FBXO15: variants seen among roughly 807,000 people sequenced by gnomAD.
The protein encoded by FBXO15 is F-box protein 15.
A neutral mutation model predicts 49.5 loss-of-function variants in FBXO15; 30 were observed. The observed-to-expected ratio is 0.61, with a 90% CI of 0.45 to 0.82. FBXO15 has a LOEUF of 0.82. Among genes scored for constraint, FBXO15 ranks in the 40% least tolerant of loss-of-function variants. FBXO15 has a pLI of 0.00. For missense variants in FBXO15, 591 were observed against 631.5 expected, an observed-to-expected ratio of 0.94 and a Z score of 0.69; for synonymous variants, 250 against 232.7, an observed-to-expected ratio of 1.07 and a Z score of -0.68.
At chr18:74,126,410 C>T (rs1456958936) in intron 5 of FBXO15, among the ~76,000 whole-genome samples, 1 of 152,208 alleles carries the variant, frequency 6.6e-6, no homozygotes, top group Non-Finnish European at 1.5e-5. Flanking sequence ...TGTTCTATTC[C>T]CTCCAAATCC....
intron 8 of FBXO15, among the ~76,000 whole-genome samples, chr18:74,108,415 C>A (rs578073045): frequency 2.0e-4 from 30 of 151,572 alleles, no homozygotes; most frequent in Admixed American, 3.9e-4. Flanking sequence ...ATGAAGAATA[C>A]CTTTGTTGGG....
chr18:74,097,904 G>A (rs1012729686), intron 8 of FBXO15: 6 of 152,358 alleles, frequency 3.9e-5, no homozygotes, highest in African/African-American at 1.4e-4. Context: ...TGGTATCCAT[G>A]GCTGAGAGAC....
chr18:74,146,224 T>C (rs1979402010), intron 1 of FBXO15, among the ~76,000 whole-genome samples: 1 of 152,254 alleles, frequency 6.6e-6, no homozygotes, highest in Admixed American at 6.5e-5. Context: ...ATATTCACAT[T>C]TTGTGTTAAA....
chr18:74,145,893 C>T (rs183723329), intron 1 of FBXO15, among the ~76,000 whole-genome samples: 2 of 152,266 alleles, frequency 1.3e-5, no homozygotes, highest in Non-Finnish European at 1.5e-5. Context: ...CCACTGCACC[C>T]GGCCCCAATT....
At chr18:74,109,221 A>T (rs2051056066) in intron 8 of FBXO15, among the ~76,000 whole-genome samples, 1 of 152,210 alleles carries the variant, frequency 6.6e-6, no homozygotes, top group South Asian at 2.1e-4. Flanking sequence ...GCCAATAGAC[A>T]TATGAAAAAA....
chr18:74,120,801 T>G (rs1225513220), intron 8 of FBXO15, among the ~76,000 whole-genome samples: 1 of 150,510 alleles, frequency 6.6e-6, no homozygotes, highest in African/African-American at 2.4e-5. Flanking sequence ...AGAAAAAAAG[T>G]AGAAAGAATA....
intron 8 of FBXO15, among the ~76,000 whole-genome samples, chr18:74,121,871 T>C (rs1292700443): frequency 6.6e-6 from 1 of 152,196 alleles, no homozygotes; most frequent in Non-Finnish European, 1.5e-5. Flanking sequence ...AGCTAATGAC[T>C]AACAGAAATG....
chr18:74,105,445 A>G (rs1913709820), intron 8 of FBXO15, among the ~76,000 whole-genome samples: 1 of 151,830 alleles, frequency 6.6e-6, no homozygotes, highest in Non-Finnish European at 1.5e-5. Flanking sequence ...TTATTTCCCA[A>G]AGGTTTTTTT....
At chr18:74,098,917 G>T (rs62097001) in intron 8 of FBXO15, 13,335 of 152,424 alleles carry the variant, frequency 0.087, 820 homozygotes, top group Admixed American at 0.2. Context: ...TTGAGGCCAG[G>T]AGTTCAAGAC....
chr18:74,110,619 C>CA (rs1222134097), intron 8 of FBXO15, among the ~76,000 whole-genome samples: 1 of 151,044 alleles, frequency 6.6e-6, no homozygotes, highest in African/African-American at 2.4e-5. Flanking sequence ...CAGAGATTCT[C>CA]AGAGTTGGTA....
intron 8 of FBXO15, among the ~76,000 whole-genome samples, chr18:74,119,029 C>A (rs1311874670): frequency 6.6e-6 from 1 of 152,208 alleles, no homozygotes; most frequent in African/African-American, 2.4e-5. Context: ...GCCCCACCAG[C>A]CTCCTGGGGC....
rs1912158332 is a variant in FBXO15, at chr18:74,074,158, G to C, written c.1264-428C>G. Among the ~76,000 whole-genome samples, 1 of 152,064 alleles carries C rather than the reference G, an allele frequency of 6.6e-6. No homozygotes were observed. The highest frequency in any genetic ancestry group is 2.4e-5 in the African/African-American group (1 of 41,372). ...CCTGGGTCTTCACTGCCACCACCAG[G>C]CCGACCCCTCCCCTCTTCTGAGAAA... is the stretch of plus-strand genomic sequence containing the variant. On this transcript the variant is annotated intron_variant, in intron 9 of 9. Coordinates refer to ENST00000419743, the MANE Select transcript of FBXO15 (RefSeq NM_001142958.2). This position sits in a 1 kb window ranked among gnomAD's most constrained non-coding sequence, Gnocchi z 4.7.
chr18:74,104,210 A>C (rs1346625040), intron 8 of FBXO15, among the ~76,000 whole-genome samples: 6 of 152,152 alleles, frequency 3.9e-5, no homozygotes, highest in Admixed American at 3.3e-4. Context: ...CTAAGTTTTC[A>C]TCTCTTTAAA....
intron 5 of FBXO15, among the ~76,000 whole-genome samples, chr18:74,127,746 A>G (rs762678727): frequency 6.6e-6 from 1 of 152,238 alleles, no homozygotes; most frequent in Non-Finnish European, 1.5e-5. Flanking sequence ...AATTTTCCCA[A>G]TGAATTCTAG....
intron 2 of FBXO15, 122 bp from the exon 3 acceptor site, chr18:74,135,988 T>C: frequency 1.5e-6 from 1 of 663,742 alleles, no homozygotes; most frequent in Non-Finnish European, 2.5e-6. Flanking sequence ...ACCCCTCCTG[T>C]ACAAGAGGCA....
chr18:74,132,782 ATTTAATG>A (rs1337679163), intron 3 of FBXO15, among the ~76,000 whole-genome samples: 1 of 152,214 alleles, frequency 6.6e-6, no homozygotes, highest in African/African-American at 2.4e-5. Context: ...AATGGGGCCA[ATTTAATG>A]TTCAGATAAA....
At chr18:74,079,355 T>C (rs1912391122) in intron 9 of FBXO15, among the ~76,000 whole-genome samples, 1 of 152,178 alleles carries the variant, frequency 6.6e-6, no homozygotes, top group Admixed American at 6.5e-5. Flanking sequence ...TAAAATAGCA[T>C]GGTAACCACT....
chr18:74,096,709 C>T (rs956433540), intron 8 of FBXO15, among the ~76,000 whole-genome samples: 4 of 151,142 alleles, frequency 2.6e-5, no homozygotes, highest in African/African-American at 7.3e-5. Flanking sequence ...AACAAGATGG[C>T]GATATGTGAG....
chr18:74,140,154 C>A, intron 2 of FBXO15, 48 bp downstream of exon 2: 1 of 1,471,462 alleles, frequency 6.8e-7, no homozygotes, highest in Non-Finnish European at 9.2e-7. Flanking sequence ...CTCTAATAAC[C>A]CCATGCCTAG....
Sources: gnomAD v4.1 joint callset for allele counts (sites outside exome capture counted in the v4.1 genomes callset) on GRCh38, gnomAD v4.1.1 for gene constraint, Gnocchi (gnomAD v3.1) non-coding constraint, MANE v1.5 for transcripts, NCBI Gene and HGNC (gene_info 2026-07-23, HGNC 2026-07-21) for gene names.